SMIM19: variants seen among roughly 807,000 people sequenced by gnomAD.
SMIM19 encodes small integral membrane protein 19.
Under a neutral mutation model 13.2 loss-of-function variants are expected in SMIM19, and 6 were observed. The ratio of observed to expected loss-of-function variants is 0.45; its 90% confidence interval spans 0.25 to 0.90. The LOEUF (loss-of-function observed/expected upper bound fraction) is 0.90, where lower values mean the gene tolerates loss of function less well. Among genes scored for constraint, SMIM19 ranks in the 40% least tolerant of loss-of-function variants. The pLI is 0.19. For missense variants in SMIM19, 138 were observed against 131.0 expected (o/e 1.05, Z -0.26); for synonymous variants, 46 against 43.1 (o/e 1.07, Z -0.27).
chr8:42,547,182 G>A (rs1265209510), intron 2 of SMIM19, among the ~76,000 whole-genome samples: 1 of 150,746 alleles, frequency 6.6e-6, no homozygotes, highest in Non-Finnish European at 1.5e-5. Context: ...CCAACATGGT[G>A]AACCCCGTCT....
chr8:42,552,842 T>C lies in SMIM19; in HGVS notation c.*234T>C, dbSNP rs1813716814. ...GATATGTGTAACCAGCGATGGTGACTTGACCTTGCCAAGACCTGTGATTCC... is the reference window on the plus strand; with the variant it reads ...GATATGTGTAACCAGCGATGGTGACCTGACCTTGCCAAGACCTGTGATTCC... On this transcript the variant is annotated 3_prime_UTR_variant, in exon 4 of 4. Coordinates refer to ENST00000417410, the MANE Select transcript of SMIM19 (RefSeq NM_001135674.2). 2.2e-6 allele frequency: 1 copy of C among 446,680 alleles called. No homozygotes were observed. Among genetic ancestry groups the C allele is most frequent in the Non-Finnish European group, 4.0e-6 (1 of 251,452 alleles). 27.7% of individuals were successfully genotyped at this position (446,680 alleles called of 1,614,324 possible).
chr8:42,550,977 C>T (rs1057014834), intron 3 of SMIM19, among the ~76,000 whole-genome samples: 5 of 151,892 alleles, frequency 3.3e-5, no homozygotes, highest in Non-Finnish European at 5.9e-5. Context: ...CTGGATCTAC[C>T]CTGAGTAGCA....
At chr8:42,547,188 C>T (rs1046711951) in intron 2 of SMIM19, among the ~76,000 whole-genome samples, 4 of 150,036 alleles carry the variant, frequency 2.7e-5, no homozygotes, top group Middle Eastern at 3.3e-3. Context: ...TGGTGAACCC[C>T]GTCTCTACTA....
chr8:42,543,974 A>C (rs1813383944), intron 1 of SMIM19, among the ~76,000 whole-genome samples: 1 of 152,228 alleles, frequency 6.6e-6, no homozygotes, highest in Non-Finnish European at 1.5e-5. Flanking sequence ...TTGAGATTCC[A>C]TAAATTATAA....
rs192936403 is a variant in SMIM19 at position 42,546,483 on chromosome 8, G to T, written c.11G>T (p.Gly4Val). 8.7e-6 allele frequency: 14 copies of T among 1,612,146 alleles called. No individual in the cohort carries two copies. Among genetic ancestry groups the T allele is most frequent in the Admixed American group, 3.4e-5 (2 of 59,428 alleles). The change falls in exon 2 of 4, where the codon GGT (glycine) becomes GTT (valine). Residue 4 changes from glycine to valine, a missense_variant. Coordinates refer to ENST00000417410, the MANE Select transcript of SMIM19 (RefSeq NM_001135674.2). ...CTCTCTTACAGCCCCATGGCTGGGG[G>T]TTATGGAGTGATGGGTGACGATGGT... is the stretch of plus-strand genomic sequence containing the variant. MAG[G>V]YGVMGDDGSI...
intron 1 of SMIM19, among the ~76,000 whole-genome samples, chr8:42,544,749 C>T (rs1432572690): frequency 6.6e-6 from 1 of 152,154 alleles, no homozygotes; most frequent in African/African-American, 2.4e-5. Flanking sequence ...GACAAAGTCA[C>T]GTTGTCAGAA....
At chr8:42,546,707 G>T in intron 2 of SMIM19, 101 bp downstream of exon 2, 6 of 1,399,066 alleles carry the variant, frequency 4.3e-6, no homozygotes, top group Non-Finnish European at 5.8e-6. Context: ...TCATCAGGCT[G>T]GACGCAGTGG....
chr8:42,552,943 TTAAAAAA>T lies in SMIM19; in HGVS notation c.*342_*348del. The T allele has an allele frequency of 4.6e-6, 1 of 217,542 alleles. No homozygotes were observed. The highest frequency in any genetic ancestry group is 1.6e-4 in the South Asian group (1 of 6,134). 13.5% of individuals were successfully genotyped at this position (217,542 alleles called of 1,614,324 possible). On this transcript the variant is annotated 3_prime_UTR_variant, in exon 4 of 4. Coordinates refer to ENST00000417410, the MANE Select transcript of SMIM19 (RefSeq NM_001135674.2). ...CCTGGAGTTTATGCCATTTGCAATA[TTAAAAAA>T]TAAAAATGCAAGTTATTATTTCAAT... is the stretch of plus-strand genomic sequence containing the variant.
rs1813728773 is a variant in SMIM19, at chr8:42,553,270, T to C, written c.*662T>C. 1 of 143,524 alleles carries C rather than the reference T, an allele frequency of 7.0e-6. No homozygotes were observed. Among genetic ancestry groups the C allele is most frequent in the Non-Finnish European group, 1.5e-5 (1 of 66,600 alleles). The allele number at this position is 143,524 out of a possible 1,614,324, so 8.9% of individuals were successfully genotyped here. On this transcript the variant is annotated 3_prime_UTR_variant, in exon 4 of 4. Coordinates refer to ENST00000417410, the MANE Select transcript of SMIM19 (RefSeq NM_001135674.2). Reference sequence around the variant, plus strand: ...TACAGCATGATGCATACTCCTGTGCTAATTTTAGAAGCTTTCTGTAACTAG... The same window carrying C: ...TACAGCATGATGCATACTCCTGTGCCAATTTTAGAAGCTTTCTGTAACTAG...
rs1813717750 is a variant in SMIM19, at chr8:42,552,899, C to T, written c.*291C>T. The T allele has an allele frequency of 6.3e-6, 2 of 316,120 alleles. No homozygotes were observed. Among genetic ancestry groups the T allele is most frequent in the South Asian group, 1.2e-4 (1 of 8,210 alleles). The allele number at this position is 316,120 out of a possible 1,614,324, so 19.6% of individuals were successfully genotyped here. ...ATACAATCAGTGAGAAATAAAAACA[C>T]ATCTTGGGAAGTGGGAATCCTGGAG... is the stretch of plus-strand genomic sequence containing the variant. On this transcript the variant is annotated 3_prime_UTR_variant, in exon 4 of 4. Coordinates refer to ENST00000417410, the MANE Select transcript of SMIM19 (RefSeq NM_001135674.2).
chr8:42,548,603 C>A lies in SMIM19; in HGVS notation c.135-53C>A, dbSNP rs890768594. 2.5e-6 allele frequency: 4 copies of A among 1,604,492 alleles called. No homozygotes were observed. In the African/African-American group the frequency reaches 5.4e-5, roughly 22 times the overall value. On this transcript the variant is annotated intron_variant, in intron 2 of 3. Transcript: ENST00000417410. ...GATGACCAGGATCATGAGCATATTA[C>A]AACTCTATAGACATTAATACAAACA...
chr8:42,546,694 A>T, intron 2 of SMIM19, 88 bp downstream of exon 2: 1 of 1,504,246 alleles, frequency 6.6e-7, no homozygotes, highest in South Asian at 1.3e-5. Context: ...CATAAAAGTA[A>T]TTTCATCAGG....
chr8:42,543,372 A>G (rs1420945502), intron 1 of SMIM19, among the ~76,000 whole-genome samples: 2 of 152,186 alleles, frequency 1.3e-5, no homozygotes, highest in Non-Finnish European at 2.9e-5. Flanking sequence ...GCCATTGATC[A>G]TGATTGAGGA....
chr8:42,542,546 T>A (rs1405836550), intron 1 of SMIM19, 173 bp downstream of exon 1: 1 of 895,970 alleles, frequency 1.1e-6, no homozygotes, highest in African/African-American at 1.8e-5. Flanking sequence ...ACAAAAATGA[T>A]AACATTCAAG....
At chr8:42,544,272 G>T (rs1053224542) in intron 1 of SMIM19, among the ~76,000 whole-genome samples, 3 of 152,126 alleles carry the variant, frequency 2.0e-5, no homozygotes, top group Non-Finnish European at 2.9e-5. Flanking sequence ...GTAGCCGGGC[G>T]CGGTGGTGGG....
chr8:42,544,943 A>G (rs568166258), intron 1 of SMIM19, among the ~76,000 whole-genome samples: 2 of 152,358 alleles, frequency 1.3e-5, no homozygotes, highest in East Asian at 1.9e-4. Flanking sequence ...ATTTTAGTGA[A>G]AGAATTTTTG....
intron 2 of SMIM19, among the ~76,000 whole-genome samples, chr8:42,546,864 TC>T (rs1199457559): frequency 2.0e-5 from 3 of 151,602 alleles, no homozygotes; most frequent in Non-Finnish European, 4.4e-5. Flanking sequence ...GTGCCTGTAA[TC>T]CCTGTTACTT....
At position 42,555,069 on chromosome 8, in the gene SMIM19, G is replaced by T. The variant is rs1015451874; in HGVS notation, c.*2461G>T. 6.6e-6 allele frequency: 1 copy of T among 152,174 alleles called. No homozygotes were observed. Among genetic ancestry groups the T allele is most frequent in the Non-Finnish European group, 1.5e-5 (1 of 68,040 alleles). The allele number at this position is 152,174 out of a possible 1,614,324, so 9.4% of individuals were successfully genotyped here. ...ATGCAAGGTTTATGGTAAAACTGCT[G>T]TACAATCAGAAGTATTTTAAGTATG... On this transcript the variant is annotated 3_prime_UTR_variant, in exon 4 of 4. Transcript: ENST00000417410.
chr8:42,544,921 C>T (rs756336813), intron 1 of SMIM19, among the ~76,000 whole-genome samples: 12 of 152,212 alleles, frequency 7.9e-5, no homozygotes, highest in Admixed American at 3.9e-4. Context: ...ACAGCATGGA[C>T]TCCTGCAAGA....
Sources: gnomAD v4.1 joint callset for allele counts (sites outside exome capture counted in the v4.1 genomes callset) on GRCh38, gnomAD v4.1.1 for gene constraint, MANE v1.5 for transcripts, NCBI Gene and HGNC (gene_info 2026-07-23, HGNC 2026-07-21) for gene names.